The following FADS2 variants were observed in gnomAD, a reference collection of about 807,000 sequenced individuals.
FADS2 encodes acyl-CoA 6-desaturase.
In FADS2, 18 loss-of-function variants were observed where a neutral mutation model predicts 61.2. The ratio of observed to expected loss-of-function variants is 0.29; its 90% CI spans 0.20 to 0.44. FADS2 has a LOEUF of 0.44. FADS2 is among the 20% of genes least tolerant of loss of function. FADS2 has a pLI of 1.00. For synonymous variants in FADS2, 203 were observed against 223.9 expected, an observed-to-expected ratio of 0.91 and a Z score of 0.83; for missense variants, 322 against 572.7, an observed-to-expected ratio of 0.56 and a Z score of 4.47.
At chr11:61,858,940 G>C (rs2067389149) in intron 7 of FADS2, among the ~76,000 whole-genome samples, 1 of 152,184 alleles carries the variant, frequency 6.6e-6, no homozygotes, top group Non-Finnish European at 1.5e-5. Context: ...TGAAATGCTT[G>C]CTTAAAATCC....
At position 61,866,370 on chromosome 11, in the gene FADS2, G is replaced by A. The variant is rs753150271; in HGVS notation, c.*681G>A. 2.7e-5 allele frequency: 5 copies of A among 183,178 alleles called. No individual in the cohort carries two copies. The highest frequency in any genetic ancestry group is 6.2e-5 in the Admixed American group (1 of 16,094). The allele number at this position is 183,178 out of a possible 1,614,324, so 11.3% of individuals were successfully genotyped here. ...CCCATCACTAGAGTGCTCTGACCCT[G>A]GGCTTTCACGGGCCCCATTCCACCG... On this transcript the variant is annotated 3_prime_UTR_variant, in exon 12 of 12. Coordinates refer to ENST00000278840, the MANE Select transcript of FADS2 (RefSeq NM_004265.4).
intron 5 of FADS2, among the ~76,000 whole-genome samples, chr11:61,852,800 T>C: frequency 6.6e-6 from 1 of 152,170 alleles, no homozygotes; most frequent in Non-Finnish European, 1.5e-5. Context: ...ATTCTAGTTG[T>C]GTTTCGGTTG....
chr11:61,816,447 G>GC lies in FADS2; in HGVS notation c.141+22dup. 1.3e-6 allele frequency: 2 copies of GC among 1,599,656 alleles called. No individual in the cohort carries two copies. Among genetic ancestry groups the GC allele is most frequent in the Non-Finnish European group, 1.7e-6 (2 of 1,179,770 alleles). ...AACAGGTATGATCAGGCGCCTCCGG[G>GC]CTTTCCTCCGAATTAGTCGGTGTTT... On this transcript the variant is annotated intron_variant, in intron 1 of 11. Transcript: ENST00000257261. This position sits in a 1 kb window ranked among gnomAD's most constrained non-coding sequence, Gnocchi z 7.0.
chr11:61,834,679 G>A (rs1206271394), intron 1 of FADS2, among the ~76,000 whole-genome samples: 2 of 152,178 alleles, frequency 1.3e-5, no homozygotes, highest in East Asian at 3.9e-4. Flanking sequence ...TGAGACAAGA[G>A]GAATCCATTA....
chr11:61,850,920 G>A (rs962843527), intron 5 of FADS2, among the ~76,000 whole-genome samples: 1 of 152,130 alleles, frequency 6.6e-6, no homozygotes, highest in Non-Finnish European at 1.5e-5. Flanking sequence ...GTTCTGGTTT[G>A]TACACCCTCT....
intron 1 of FADS2, chr11:61,821,494 A>G: frequency 1.4e-6 from 1 of 695,648 alleles, no homozygotes; most frequent in Middle Eastern, 2.3e-4. Context: ...GATCCATTTT[A>G]ACAAAAGATC....
chr11:61,830,732 A>C (rs2067121811), intron 1 of FADS2, among the ~76,000 whole-genome samples: 1 of 152,208 alleles, frequency 6.6e-6, no homozygotes, highest in African/African-American at 2.4e-5. Context: ...AAGTGTTGTC[A>C]CTTGACTGAG....
At chr11:61,863,460 G>A (rs2067434373) in intron 9 of FADS2, 82 bp downstream of exon 9, 3 of 1,074,034 alleles carry the variant, frequency 2.8e-6, no homozygotes, top group South Asian at 2.6e-5. Context: ...TGCTAACACA[G>A]GGCTGTGCTG....
At chr11:61,862,857 G>A in intron 7 of FADS2, 115 bp from the exon 8 acceptor site, 2 of 796,822 alleles carry the variant, frequency 2.5e-6, no homozygotes, top group South Asian at 1.5e-5. Flanking sequence ...ATTTCAGTGG[G>A]CTGCGGTCCA....
At chr11:61,835,754 A>G (rs1454098622) in intron 1 of FADS2, among the ~76,000 whole-genome samples, 1 of 152,056 alleles carries the variant, frequency 6.6e-6, no homozygotes, top group Non-Finnish European at 1.5e-5. Context: ...ACAAGCAAAC[A>G]CCTGTGTATC....
intron 1 of FADS2, among the ~76,000 whole-genome samples, chr11:61,834,603 G>A (rs981118474): frequency 2.6e-5 from 4 of 152,190 alleles, no homozygotes; most frequent in East Asian, 1.9e-4. Flanking sequence ...TGCAGGGTTC[G>A]GGTGTTGGGG....
chr11:61,861,215 G>C (rs1420662141), intron 7 of FADS2, among the ~76,000 whole-genome samples: 1 of 151,394 alleles, frequency 6.6e-6, no homozygotes, highest in Non-Finnish European at 1.5e-5. Flanking sequence ...TTATCCGGGC[G>C]TGGTGGCGGG....
At chr11:61,846,293 T>C (rs2067258502) in intron 4 of FADS2, among the ~76,000 whole-genome samples, 1 of 152,086 alleles carries the variant, frequency 6.6e-6, no homozygotes, top group African/African-American at 2.4e-5. Context: ...ATTTTTGTAG[T>C]TTTAGTAGAG....
At chr11:61,828,161 C>A (rs934328348), upstream of FADS2, 23 of 1,402,668 alleles carry the variant, frequency 1.6e-5, no homozygotes, top group Middle Eastern at 2.6e-4. The surrounding 1 kb of genome is among the most constrained non-coding windows in gnomAD (Gnocchi z 6.4). Flanking sequence ...GGAAGGGGAC[C>A]GCTTGGGGGC....
chr11:61,839,376 T>C (rs1310660859), intron 2 of FADS2, among the ~76,000 whole-genome samples: 1 of 151,702 alleles, frequency 6.6e-6, no homozygotes, highest in Admixed American at 6.6e-5. Flanking sequence ...CAGGCTGGAG[T>C]GCAGTGACAC....
At chr11:61,825,921 A>T (rs775442817), upstream of FADS2, 1 of 608,346 alleles carries the variant, frequency 1.6e-6, no homozygotes, top group Non-Finnish European at 2.9e-6. Flanking sequence ...AGGGAGGCAC[A>T]TGGCAGTGTC....
chr11:61,865,124 C>A lies in FADS2; in HGVS notation c.1158-28C>A, dbSNP rs772734208. 1 of 1,603,618 alleles carries A rather than the reference C, an allele frequency of 6.2e-7. No individual in the cohort carries two copies. Among genetic ancestry groups the A allele is most frequent in the African/African-American group, 1.3e-5 (1 of 74,900 alleles). On this transcript the variant is annotated intron_variant, in intron 10 of 11. Coordinates refer to ENST00000278840, the MANE Select transcript of FADS2 (RefSeq NM_004265.4). This position sits in a 1 kb window ranked among gnomAD's most constrained non-coding sequence, Gnocchi z 4.1. ...AGCAGCATGGCCCTCTGAGTCCTCA[C>A]GCTCTGCCCACCCTACACACTCCTC...
rs1178752559 is a variant in FADS2 at position 61,828,782 on chromosome 11, G to T, written c.207+185G>T. 11 of 583,582 alleles carry T rather than the reference G, an allele frequency of 1.9e-5. No homozygotes were observed. Among genetic ancestry groups the T allele is most frequent in the Non-Finnish European group, 3.0e-5 (10 of 333,770 alleles). 36.2% of individuals were successfully genotyped at this position (583,582 alleles called of 1,614,324 possible). On this transcript the variant is annotated intron_variant, in intron 1 of 11. Coordinates refer to ENST00000278840, the MANE Select transcript of FADS2 (RefSeq NM_004265.4). This position sits in a 1 kb window ranked among gnomAD's most constrained non-coding sequence, Gnocchi z 6.4. The stretch of plus-strand genomic sequence containing the variant: ...CCTCCTCCTCCTCTGGGCCGACTGG[G>T]GTGGAGACCGGATCTGGGACCCGGG...
intron 1 of FADS2, among the ~76,000 whole-genome samples, chr11:61,830,775 C>T (rs752062636): frequency 3.9e-4 from 59 of 152,162 alleles, no homozygotes; most frequent in Non-Finnish European, 6.2e-4. Context: ...TACACCTGTA[C>T]CTGTTTCAAT....
Sources: gnomAD v4.1 joint callset for allele counts (sites outside exome capture counted in the v4.1 genomes callset) on GRCh38, gnomAD v4.1.1 for gene constraint, Gnocchi (gnomAD v3.1) non-coding constraint, MANE v1.5 for transcripts, NCBI Gene and HGNC (gene_info 2026-07-23, HGNC 2026-07-21) for gene names.